The following PLXNA4 variants were observed in gnomAD, a reference collection of about 807,000 sequenced individuals.
PLXNA4 encodes plexin-A4.
A neutral mutation model predicts 191.8 loss-of-function variants in PLXNA4; 44 were observed. The observed-to-expected ratio is 0.23, with a 90% CI of 0.18 to 0.29. The LOEUF is 0.29. PLXNA4 is among the 10% of genes least tolerant of loss of function. PLXNA4 has a pLI of 1.00. For missense variants in PLXNA4, 1,800 were observed against 2,488.8 expected (o/e 0.72, Z 5.89); for synonymous variants, 1,082 against 1,009.5 (o/e 1.07, Z -1.36).
intron 1 of PLXNA4, among the ~76,000 whole-genome samples, chr7:132,575,802 T>C (rs1371608326): frequency 6.6e-6 from 1 of 152,222 alleles, no homozygotes; most frequent in Non-Finnish European, 1.5e-5. Flanking sequence ...GCGTTTGTGC[T>C]GCCTCTTACT....
In PLXNA4 at chr7:132,429,698, TGCTCTAGG is replaced by T. The variant is rs532285760; in HGVS notation, c.1371+59586_1371+59593del. Among the ~76,000 whole-genome samples the T allele has an allele frequency of 9.2e-5, 14 of 152,350 alleles. 1 individual carries two copies. The South Asian group carries it at 2.9e-3, about 32-fold the overall frequency. ...CCATGGGTTGGAGTTTGCCGACTGT[TGCTCTAGG>T]ATGTTGCTAGAAGACTTTGTGCTTC... On this transcript the variant is annotated intron_variant, in intron 3 of 31. Coordinates refer to ENST00000321063, the MANE Select transcript of PLXNA4 (RefSeq NM_020911.2).
chr7:132,238,010 A>C (rs1300117511), intron 5 of PLXNA4, among the ~76,000 whole-genome samples: 2 of 151,940 alleles, frequency 1.3e-5, no homozygotes, highest in African/African-American at 4.8e-5. Flanking sequence ...TTCATGCCAC[A>C]TTTTTCTCAT....
At chr7:132,648,097 A>G (rs1028576525) in intron 1 of PLXNA4, among the ~76,000 whole-genome samples, 1 of 152,078 alleles carries the variant, frequency 6.6e-6, no homozygotes, top group African/African-American at 2.4e-5. Flanking sequence ...TCAGTGTCAT[A>G]TACACATATA....
chr7:132,235,757 GC>G (rs1798678343), intron 5 of PLXNA4, among the ~76,000 whole-genome samples: 1 of 152,158 alleles, frequency 6.6e-6, no homozygotes. Context: ...TGGGCACGAA[GC>G]CATGGGAGGG....
intron 14 of PLXNA4, among the ~76,000 whole-genome samples, chr7:132,191,694 G>A (rs1797091644): frequency 6.6e-6 from 1 of 151,644 alleles, no homozygotes; most frequent in South Asian, 2.1e-4. Context: ...GTTTTACTTT[G>A]GCTGCCAGGA....
At chr7:132,336,347 C>T (rs1297243977) in intron 3 of PLXNA4, among the ~76,000 whole-genome samples, 3 of 152,212 alleles carry the variant, frequency 2.0e-5, no homozygotes, top group Non-Finnish European at 4.4e-5. Flanking sequence ...CCAGGCAACA[C>T]ACATCTTTGT....
intron 1 of PLXNA4, among the ~76,000 whole-genome samples, chr7:132,567,628 C>T (rs1478279402): frequency 1.3e-5 from 2 of 152,124 alleles, no homozygotes; most frequent in Non-Finnish European, 2.9e-5. Flanking sequence ...CCATTTATTC[C>T]TTCTATTTTT....
intron 4 of PLXNA4, among the ~76,000 whole-genome samples, chr7:132,257,835 A>G (rs1799485583): frequency 6.6e-6 from 1 of 152,226 alleles, no homozygotes; most frequent in South Asian, 2.1e-4. Context: ...CTGAAGAATC[A>G]GTCTGACCTT....
At chr7:132,164,351 C>T (rs1796037298) in intron 23 of PLXNA4, 63 bp from the exon 24 acceptor site, 1 of 1,585,686 alleles carries the variant, frequency 6.3e-7, no homozygotes, top group Non-Finnish European at 8.6e-7. Context: ...CCCCCAGTCC[C>T]TGCTTCTCCA....
At chr7:132,182,863 G>T (rs921947182) in intron 16 of PLXNA4, among the ~76,000 whole-genome samples, 1 of 152,136 alleles carries the variant, frequency 6.6e-6, no homozygotes, top group African/African-American at 2.4e-5. Context: ...GACAGGGAGG[G>T]CCTAGGAGCT....
At chr7:132,521,514 C>A (rs1444859133) in intron 1 of PLXNA4, among the ~76,000 whole-genome samples, 1 of 152,178 alleles carries the variant, frequency 6.6e-6, no homozygotes, top group Non-Finnish European at 1.5e-5. Context: ...CCATTGGGCA[C>A]ACACCTGCAA....
intron 1 of PLXNA4, among the ~76,000 whole-genome samples, chr7:132,549,874 G>A (rs1448022812): frequency 6.6e-6 from 1 of 152,152 alleles, no homozygotes. Flanking sequence ...GGGCAGACAA[G>A]TTATAATTCA....
rs531101214 is a variant in PLXNA4, at chr7:132,303,218, A to C, written c.1372-4996T>G. On this transcript the variant is annotated intron_variant, in intron 3 of 31. Coordinates refer to ENST00000321063, the MANE Select transcript of PLXNA4 (RefSeq NM_020911.2). ...AGTATAGATACTTGTGGATCACCTA[A>C]ACAATGAGAAAGGATGAAAACAGAA... is the stretch of plus-strand genomic sequence containing the variant. 1.8e-4 allele frequency among the ~76,000 whole-genome samples: 28 copies of C among 151,960 alleles called. No individual in the cohort carries two copies. The South Asian group carries it at 5.6e-3, about 31-fold the overall frequency.
intron 5 of PLXNA4, among the ~76,000 whole-genome samples, chr7:132,234,596 T>TTGTGTGTGTCTG (rs1554397268): frequency 2.8e-5 from 4 of 144,158 alleles, no homozygotes; most frequent in African/African-American, 1.0e-4. Flanking sequence ...AGCATGTGTT[T>TTGTGTGTGTCTG]TGTGTGTGTG....
At chr7:132,627,015 C>T (rs565262331) in intron 2 of PLXNA4, among the ~76,000 whole-genome samples, 38 of 152,346 alleles carry the variant, frequency 2.5e-4, no homozygotes, top group East Asian at 1.7e-3. Context: ...TGGCTCCTGA[C>T]TACCTGCTCT....
At chr7:132,397,157 C>T (rs570482149) in intron 3 of PLXNA4, among the ~76,000 whole-genome samples, 5 of 152,326 alleles carry the variant, frequency 3.3e-5, no homozygotes, top group African/African-American at 9.6e-5. Context: ...AAGATAAAAG[C>T]GCAGGAACCA....
intron 2 of PLXNA4, among the ~76,000 whole-genome samples, chr7:132,607,778 C>G (rs920733527): frequency 3.9e-5 from 6 of 152,136 alleles, no homozygotes; most frequent in Admixed American, 3.9e-4. Context: ...ATCATTATCA[C>G]CATCACCACC....
Position 132,125,990 on chromosome 7 carries a change from G to C in PLXNA4, c.*4489C>G, listed in dbSNP as rs1398412533. ...TCTGTCTGTCTTTCCCTCACTGCTTGGCTGTCTGTGAGGTGGGAGGTTTGT... is the reference window on the plus strand; with the variant it reads ...TCTGTCTGTCTTTCCCTCACTGCTTCGCTGTCTGTGAGGTGGGAGGTTTGT... On this transcript the variant is annotated 3_prime_UTR_variant, in exon 32 of 32. Transcript: ENST00000321063. 1 of 152,306 alleles carries C rather than the reference G, an allele frequency of 6.6e-6. No individual in the cohort carries two copies. Among genetic ancestry groups the C allele is most frequent in the African/African-American group, 2.4e-5 (1 of 41,440 alleles). 9.4% of individuals were successfully genotyped at this position (152,306 alleles called of 1,614,324 possible).
intron 1 of PLXNA4, chr7:132,648,511 T>C (rs1803928970): frequency 6.6e-6 from 1 of 152,274 alleles, no homozygotes; most frequent in Non-Finnish European, 1.5e-5. Context: ...CAATGCTTTT[T>C]ACCTTTTCGG....
Sources: gnomAD v4.1 joint callset for allele counts (sites outside exome capture counted in the v4.1 genomes callset) on GRCh38, gnomAD v4.1.1 for gene constraint, MANE v1.5 for transcripts, NCBI Gene and HGNC (gene_info 2026-07-23, HGNC 2026-07-21) for gene names.